Variants in MALRD1 observed in about 807,000 individuals in gnomAD.
MALRD1 encodes MAM and LDL-receptor class A domain-containing protein 1.
Under a neutral mutation model 242.1 loss-of-function variants are expected in MALRD1, and 247 were observed. The observed-to-expected ratio is 1.02, with a 90% CI of 0.92 to 1.13. The LOEUF (loss-of-function observed/expected upper bound fraction) is 1.13. MALRD1 is among the 50% of genes most tolerant of loss of function. The probability of loss-of-function intolerance (pLI) is 0.00; values close to 1 mark genes in which losing one functional copy is unlikely to be tolerated. For missense variants in MALRD1, 2,989 were observed against 2,533.1 expected, an observed-to-expected ratio of 1.18 and a Z score of -3.86; for synonymous variants, 995 against 866.6, an observed-to-expected ratio of 1.15 and a Z score of -2.60.
intron 30 of MALRD1, 77 bp downstream of exon 30, chr10:19,491,722 T>C: frequency 6.9e-7 from 1 of 1,439,516 alleles, no homozygotes. Context: ...ATATTGGTGT[T>C]GATGATGGAG....
At chr10:19,319,020 G>A (rs2039516) in intron 21 of MALRD1, among the ~76,000 whole-genome samples, 85,417 of 151,570 alleles carry the variant, frequency 0.56, 24,214 homozygotes, top group Middle Eastern at 0.61. Context: ...AACATCTGGC[G>A]TAGTGCATGC....
intron 2 of MALRD1, among the ~76,000 whole-genome samples, chr10:19,086,306 GC>G (rs1235187002): frequency 6.6e-6 from 1 of 151,828 alleles, no homozygotes; most frequent in African/African-American, 2.4e-5. Context: ...TTCCAATCTG[GC>G]TTTAAAATAC....
At chr10:19,103,872 A>G (rs900371116) in intron 4 of MALRD1, 107 bp from the exon 5 acceptor site, 11 of 570,162 alleles carry the variant, frequency 1.9e-5, no homozygotes, top group African/African-American at 1.5e-4. Flanking sequence ...AAGTGCTTCT[A>G]GAGAGTGACA....
At chr10:19,148,588 A>G (rs1833806808) in intron 11 of MALRD1, among the ~76,000 whole-genome samples, 1 of 151,862 alleles carries the variant, frequency 6.6e-6, no homozygotes, top group Admixed American at 6.6e-5. Flanking sequence ...TTACTACATA[A>G]CTATGATTTG....
At chr10:19,279,985 T>C (rs2131877683) in intron 19 of MALRD1, 62 bp from the exon 20 acceptor site, 1 of 1,303,172 alleles carries the variant, frequency 7.7e-7, no homozygotes, top group Non-Finnish European at 1.0e-6. Flanking sequence ...GTGTAAAATC[T>C]CTAAAGCAGT....
At chr10:19,457,043 T>A (rs1014332211) in intron 29 of MALRD1, among the ~76,000 whole-genome samples, 57 of 152,190 alleles carry the variant, frequency 3.7e-4, no homozygotes, top group African/African-American at 1.4e-3. Flanking sequence ...TTCTTCATGG[T>A]AACTACTCAA....
intron 38 of MALRD1, among the ~76,000 whole-genome samples, chr10:19,712,279 C>G (rs1398727843): frequency 6.6e-6 from 1 of 152,024 alleles, no homozygotes; most frequent in Non-Finnish European, 1.5e-5. Context: ...GAATAAAATC[C>G]TAATTGTATC....
chr10:19,068,880 A>T (rs1236262663), intron 2 of MALRD1, among the ~76,000 whole-genome samples: 1 of 152,160 alleles, frequency 6.6e-6, no homozygotes, highest in African/African-American at 2.4e-5. Context: ...CCATTAGAAC[A>T]TTAAAAACAT....
chr10:19,643,431 A>C (rs1359905647), intron 36 of MALRD1, among the ~76,000 whole-genome samples: 1 of 152,204 alleles, frequency 6.6e-6, no homozygotes, highest in Non-Finnish European at 1.5e-5. Context: ...GGGCAACAAG[A>C]AAGAAACTCC....
intron 29 of MALRD1, chr10:19,489,081 C>G (rs1188774218): frequency 6.5e-6 from 3 of 460,796 alleles, no homozygotes; most frequent in Non-Finnish European, 4.4e-6. Flanking sequence ...CGCGCACGCG[C>G]CTTTCCGGAG....
chr10:19,062,605 A>G (rs1260993483), intron 1 of MALRD1, among the ~76,000 whole-genome samples: 2 of 152,222 alleles, frequency 1.3e-5, no homozygotes, highest in Admixed American at 1.3e-4. Flanking sequence ...ACGTTATGCT[A>G]AGTGAAATAA....
chr10:19,584,885 C>G (rs1461566987), intron 33 of MALRD1, among the ~76,000 whole-genome samples: 2 of 151,594 alleles, frequency 1.3e-5, no homozygotes, highest in Non-Finnish European at 3.0e-5. Context: ...TCACTCAGGA[C>G]TTGCTTTATG....
intron 32 of MALRD1, among the ~76,000 whole-genome samples, chr10:19,558,513 G>A (rs562164739): frequency 3.4e-4 from 51 of 152,120 alleles, no homozygotes; most frequent in Admixed American, 1.4e-3. Context: ...TTATTCTGTA[G>A]CTTGTTGATA....
intron 21 of MALRD1, among the ~76,000 whole-genome samples, chr10:19,310,936 G>A (rs1045238404): frequency 2.6e-5 from 4 of 151,412 alleles, no homozygotes; most frequent in East Asian, 3.9e-4. Context: ...CAAGGGAAAC[G>A]ACACTGACTA....
chr10:19,294,097 C>T (rs949440641), intron 21 of MALRD1, among the ~76,000 whole-genome samples: 1 of 152,102 alleles, frequency 6.6e-6, no homozygotes, highest in Non-Finnish European at 1.5e-5. Context: ...AAGATCACAG[C>T]ATTTTTGACT....
At chr10:19,664,018 C>G (rs1271604356) in intron 36 of MALRD1, among the ~76,000 whole-genome samples, 1 of 151,994 alleles carries the variant, frequency 6.6e-6, no homozygotes, top group Non-Finnish European at 1.5e-5. Flanking sequence ...CAAGCAAAAA[C>G]AAGAGGGAAT....
intron 32 of MALRD1, among the ~76,000 whole-genome samples, chr10:19,554,317 C>T (rs1209243871): frequency 3.9e-5 from 6 of 151,998 alleles, no homozygotes; most frequent in Admixed American, 3.3e-4. Flanking sequence ...GGCAATGTCA[C>T]GTGCTGAGAG....
chr10:19,187,336 C>T (rs577189540), intron 14 of MALRD1, among the ~76,000 whole-genome samples: 1 of 152,070 alleles, frequency 6.6e-6, no homozygotes, highest in Non-Finnish European at 1.5e-5. Flanking sequence ...TGGGGGAAGG[C>T]AAGGGAGCTT....
intron 26 of MALRD1, among the ~76,000 whole-genome samples, chr10:19,384,352 T>C (rs917076336): frequency 2.5e-4 from 31 of 124,870 alleles, no homozygotes; most frequent in Non-Finnish European, 4.1e-4. Flanking sequence ...TACTATATAA[T>C]ATATATTATA....
Sources: allele counts gnomAD v4.1 joint callset (sites outside exome capture counted in the v4.1 genomes callset), GRCh38; gene constraint gnomAD v4.1.1; transcripts MANE v1.5; gene names NCBI Gene and HGNC (gene_info 2026-07-23, HGNC 2026-07-21).